Variants in IPO7 observed in about 807,000 individuals in gnomAD.
The protein encoded by IPO7 is importin 7.
IPO7 carries 13 observed loss-of-function variants against 136.4 expected under a neutral mutation model. The observed-to-expected ratio is 0.10, with a 90% confidence interval of 0.06 to 0.15. IPO7 has a LOEUF of 0.15. Among genes scored for constraint, IPO7 ranks in the 10% least tolerant of loss-of-function variants. IPO7 has a pLI of 1.00. For missense variants in IPO7, 857 were observed against 1,240.6 expected, an observed-to-expected ratio of 0.69 and a Z score of 4.65; for synonymous variants, 403 against 404.4, an observed-to-expected ratio of 1.00 and a Z score of 0.04.
intron 1 of IPO7, among the ~76,000 whole-genome samples, chr11:9,389,060 A>G: frequency 6.6e-6 from 1 of 151,284 alleles, no homozygotes; most frequent in Non-Finnish European, 1.5e-5. Context: ...TATTATTATT[A>G]TTAGTATTTT....
chr11:9,429,621 GT>G, intron 14 of IPO7, 52 bp from the exon 15 acceptor site: 1 of 1,427,782 alleles, frequency 7.0e-7, no homozygotes. Flanking sequence ...GTTATATCAG[GT>G]TTTAAGAAGT....
chr11:9,437,145 C>G (rs1390369558), intron 20 of IPO7, among the ~76,000 whole-genome samples: 1 of 151,480 alleles, frequency 6.6e-6, no homozygotes, highest in African/African-American at 2.4e-5. Flanking sequence ...CTCAGACTCC[C>G]AAAAGTGCTG....
At chr11:9,384,977 C>T in intron 1 of IPO7, 130 bp downstream of exon 1, 1 of 668,522 alleles carries the variant, frequency 1.5e-6, no homozygotes, top group East Asian at 2.9e-5. Context: ...GGGCGGACAT[C>T]TGACGGCGAC....
At chr11:9,394,081 G>A (rs1164182386) in intron 1 of IPO7, among the ~76,000 whole-genome samples, 1 of 151,862 alleles carries the variant, frequency 6.6e-6, no homozygotes, top group Non-Finnish European at 1.5e-5. Context: ...GTTCCACCAT[G>A]TTGGCCAGGA....
At chr11:9,438,763 A>G (rs748702663) in intron 22 of IPO7, among the ~76,000 whole-genome samples, 38 of 152,342 alleles carry the variant, frequency 2.5e-4, no homozygotes, top group Non-Finnish European at 4.4e-4. Flanking sequence ...CAGCTGTATT[A>G]CCAACATGTA....
At chr11:9,422,858 A>C in intron 8 of IPO7, 148 bp from the exon 9 acceptor site, 1 of 446,434 alleles carries the variant, frequency 2.2e-6, no homozygotes, top group East Asian at 3.3e-5. Context: ...CTTAATCAGA[A>C]ATGAGTTAAA....
At chr11:9,423,746 G>T (rs752771597) in intron 9 of IPO7, 31 bp from the exon 10 acceptor site, 2 of 1,358,336 alleles carry the variant, frequency 1.5e-6, no homozygotes, top group South Asian at 2.5e-5. Context: ...GAAAACTGAT[G>T]GTTATTGTTT....
At chr11:9,387,159 TATG>T (rs1019513220) in intron 1 of IPO7, among the ~76,000 whole-genome samples, 1 of 152,242 alleles carries the variant, frequency 6.6e-6, no homozygotes, top group Admixed American at 6.5e-5. Flanking sequence ...CGAATTATTC[TATG>T]ATGTCTCTCA....
chr11:9,398,299 A>C (rs578243194), intron 1 of IPO7, among the ~76,000 whole-genome samples: 12 of 152,216 alleles, frequency 7.9e-5, no homozygotes, highest in Non-Finnish European at 1.5e-4. Context: ...CTTAGAGTCT[A>C]ATTAATAGGA....
At chr11:9,410,301 C>T (rs142623782) in intron 4 of IPO7, among the ~76,000 whole-genome samples, 1 of 151,980 alleles carries the variant, frequency 6.6e-6, no homozygotes, top group Non-Finnish European at 1.5e-5. Context: ...ACCCTTTTTT[C>T]TTAATCACCG....
At chr11:9,406,844 A>C (rs1854895170) in intron 2 of IPO7, among the ~76,000 whole-genome samples, 1 of 152,164 alleles carries the variant, frequency 6.6e-6, no homozygotes, top group South Asian at 2.1e-4. Context: ...ATTGTACTCC[A>C]GTCTGGGAAA....
In IPO7 at chr11:9,392,555, C is replaced by T. The variant is rs571262247; in HGVS notation, c.84+7708C>T. The stretch of plus-strand genomic sequence containing the variant: ...TATTTAATGTAAAAATCTGATAGCA[C>T]GGGATTCTTCTACCTCCTGTGTTCC... On this transcript the variant is annotated intron_variant, in intron 1 of 24. Transcript: ENST00000379719. Among the ~76,000 whole-genome samples the T allele has an allele frequency of 7.3e-4, 111 of 152,180 alleles. 1 individual carries two copies. Among genetic ancestry groups the T allele is most frequent in the African/African-American group, 2.6e-3 (106 of 41,522 alleles).
At chr11:9,426,914 C>CA (rs745594814) in intron 12 of IPO7, among the ~76,000 whole-genome samples, 2 of 151,458 alleles carry the variant, frequency 1.3e-5, no homozygotes, top group South Asian at 2.1e-4. Flanking sequence ...TCCCCGCCCC[C>CA]CCGCCATATG....
rs377382489 is a variant in IPO7 at position 9,403,340 on chromosome 11, G to A, written c.135G>A (p.Ser45=). The change falls in exon 2 of 25, where the codon TCG becomes TCA. Residue 45 remains serine, a synonymous_variant. Transcript: ENST00000379719. ...FVSTLLQITM[S]EQLDLPVRQA... ...CAACACTGCTCCAGATTACTATGTC[G>A]GAACAGCTGGATTTACCTGTGAGAC... 138 of 1,613,290 alleles carry A rather than the reference G, an allele frequency of 8.6e-5. No individual in the cohort carries two copies. Among genetic ancestry groups the A allele is most frequent in the Admixed American group, 3.2e-4 (19 of 59,970 alleles).
Position 9,435,016 on chromosome 11 carries a change from C to T in IPO7, c.2157C>T (p.Tyr719=). The T allele has an allele frequency of 1.9e-6, 3 of 1,593,024 alleles. No homozygotes were observed. The highest frequency in any genetic ancestry group is 1.1e-5 in the South Asian group (1 of 90,468). Residue 719 remains tyrosine, a synonymous_variant, in exon 19 of 25, where the codon TAC becomes TAT. Coordinates refer to ENST00000379719, the MANE Select transcript of IPO7 (RefSeq NM_006391.3). The part of the protein sequence containing the change: ...LSDTKYLEMI[Y]SMCKKVLTGV... ...ACACCAAGTATCTTGAAATGATATA[C>T]AGTATGTGCAAAAAGGTAGGTCATT...
chr11:9,425,298 CA>C, intron 12 of IPO7, 36 bp downstream of exon 12: 1 of 1,205,946 alleles, frequency 8.3e-7, no homozygotes, highest in Admixed American at 1.7e-5. Context: ...CATGACTATG[CA>C]AGTAGTTTTA....
Position 9,423,057 on chromosome 11 carries a change from C to A in IPO7, c.958C>A (p.Arg320=). The stretch of plus-strand genomic sequence containing the variant: ...CAAGGAGAAGCAATATATGGCTCCT[C>A]GAGTTTTACAACAGACATTAAATTA... ...QYKEKQYMAP[R]VLQQTLNYIN... is the part of the protein sequence containing the mutation. Residue 320 remains arginine, a synonymous_variant, in exon 9 of 25, where the codon CGA becomes AGA. Transcript: ENST00000379719. The A allele has an allele frequency of 1.2e-6, 2 of 1,601,970 alleles. No homozygotes were observed. Among genetic ancestry groups the A allele is most frequent in the Non-Finnish European group, 1.7e-6 (2 of 1,170,998 alleles).
In IPO7 at chr11:9,445,390, G is replaced by T. The variant is rs945884189; in HGVS notation, c.*196G>T. The stretch of plus-strand genomic sequence containing the variant: ...AGAAATCAGCGGGATTTTGGGGGTG[G>T]GGGGGGATGGGAGGTACCTTAGAGG... On this transcript the variant is annotated 3_prime_UTR_variant, in exon 25 of 25. Transcript: ENST00000379719. The T allele has an allele frequency of 1.2e-5, 3 of 251,874 alleles. No individual in the cohort carries two copies. Among genetic ancestry groups the T allele is most frequent in the African/African-American group, 1.3e-4 (2 of 15,326 alleles). 15.6% of individuals were successfully genotyped at this position (251,874 alleles called of 1,614,324 possible).
At chr11:9,384,910 C>A (rs1039517750) in intron 1 of IPO7, 63 bp downstream of exon 1, 19 of 1,338,386 alleles carry the variant, frequency 1.4e-5, no homozygotes, top group African/African-American at 2.9e-5. Context: ...CAGGCCGAGC[C>A]CCCGGGGCCT....
Sources: allele counts gnomAD v4.1 joint callset (sites outside exome capture counted in the v4.1 genomes callset), GRCh38; gene constraint gnomAD v4.1.1; transcripts MANE v1.5; gene names NCBI Gene and HGNC (gene_info 2026-07-23, HGNC 2026-07-21).